HYCC2: variants seen among roughly 807,000 people sequenced by gnomAD.
HYCC2 encodes the protein hyccin PI4KA lipid kinase complex subunit 2.
At chr2:201,049,685 T>C in the HYCC2 span, among the ~76,000 whole-genome samples, 5 of 151,608 alleles carry the variant, frequency 3.3e-5, no homozygotes, top group Non-Finnish European at 5.9e-5. Context: ...ACTCCCTGCA[T>C]AGTCAGCCAC....
At chr2:200,984,300 A>G in the HYCC2 span, among the ~76,000 whole-genome samples, 7 of 152,130 alleles carry the variant, frequency 4.6e-5, no homozygotes, top group Non-Finnish European at 1.0e-4. Flanking sequence ...TGGGCCTCCC[A>G]AAGTGCTGAT....
chr2:201,065,420 T>C, the HYCC2 span, among the ~76,000 whole-genome samples: 2 of 152,248 alleles, frequency 1.3e-5, no homozygotes, highest in Non-Finnish European at 2.9e-5. Flanking sequence ...GGTTTTTATA[T>C]GAATGTAAGT....
At chr2:201,028,427 A>C in the HYCC2 span, among the ~76,000 whole-genome samples, 5 of 152,224 alleles carry the variant, frequency 3.3e-5, no homozygotes, top group Non-Finnish European at 7.3e-5. Flanking sequence ...CCAACAAGCT[A>C]CCAATGACTT....
At chr2:201,013,918 GAAAGAAGGA>G in the HYCC2 span, among the ~76,000 whole-genome samples, 2 of 152,116 alleles carry the variant, frequency 1.3e-5, no homozygotes, top group Admixed American at 6.6e-5. Flanking sequence ...GCTGGGGAGG[GAAAGAAGGA>G]AAAACAGAAA....
the HYCC2 span, among the ~76,000 whole-genome samples, chr2:201,033,196 T>TGAGA: frequency 7.4e-3 from 786 of 106,212 alleles, 9 homozygotes; most frequent in Non-Finnish European, 0.011. Flanking sequence ...TGTGTGTGTG[T>TGAGA]GAGAGAGAGA....
chr2:201,020,488 TATA>T, the HYCC2 span, among the ~76,000 whole-genome samples: 3 of 152,098 alleles, frequency 2.0e-5, no homozygotes, highest in Non-Finnish European at 2.9e-5. Flanking sequence ...GGGTAGATAA[TATA>T]ATAGGAGGTA....
the HYCC2 span, among the ~76,000 whole-genome samples, chr2:201,066,496 G>A: frequency 2.0e-5 from 3 of 152,196 alleles, no homozygotes; most frequent in Non-Finnish European, 4.4e-5. Context: ...AATAAAGAAC[G>A]AATACACAGA....
the HYCC2 span, chr2:200,977,969 A>G: frequency 2.6e-4 from 39 of 152,300 alleles, no homozygotes; most frequent in African/African-American, 7.5e-4. Context: ...CTTTTATCCA[A>G]CTTGGCATAC....
chr2:201,024,097 T>C, the HYCC2 span: 1 of 932,828 alleles, frequency 1.1e-6, no homozygotes, highest in Non-Finnish European at 1.7e-6. Flanking sequence ...CAACTAGAAA[T>C]AAATGATATG....
the HYCC2 span, among the ~76,000 whole-genome samples, chr2:201,051,469 A>G: frequency 6.6e-6 from 1 of 152,166 alleles, no homozygotes; most frequent in East Asian, 1.9e-4. Context: ...AAAAGACTCT[A>G]TAGATTATTA....
At chr2:201,015,441 A>G in the HYCC2 span, among the ~76,000 whole-genome samples, 2 of 152,174 alleles carry the variant, frequency 1.3e-5, no homozygotes, top group Admixed American at 1.3e-4. Flanking sequence ...CTAACATGCT[A>G]TAATACTATA....
At chr2:200,999,884 C>G in the HYCC2 span, among the ~76,000 whole-genome samples, 1 of 148,340 alleles carries the variant, frequency 6.7e-6, no homozygotes, top group Non-Finnish European at 1.5e-5. Flanking sequence ...ATAGTGAAAC[C>G]CCATCTCTAC....
At chr2:201,057,784 C>T in the HYCC2 span, among the ~76,000 whole-genome samples, 1 of 152,038 alleles carries the variant, frequency 6.6e-6, no homozygotes, top group African/African-American at 2.4e-5. Context: ...CTGGCATTGA[C>T]CTTACAGAGA....
At chr2:200,974,042 G>GT in the HYCC2 span, 3 of 151,946 alleles carry the variant, frequency 2.0e-5, no homozygotes, top group Non-Finnish European at 4.4e-5. Context: ...TAAATTCACG[G>GT]TTTTTTCTTC....
the HYCC2 span, chr2:201,011,604 T>C: frequency 1.9e-6 from 1 of 513,954 alleles, no homozygotes; most frequent in Non-Finnish European, 3.3e-6. Context: ...TATAAAAACA[T>C]TACCACCCTA....
the HYCC2 span, among the ~76,000 whole-genome samples, chr2:201,025,114 A>T: frequency 1.4e-4 from 22 of 152,092 alleles, no homozygotes; most frequent in African/African-American, 5.3e-4. Context: ...CTCTGTCTCA[A>T]AAATAAATAA....
At chr2:200,987,649 T>C in the HYCC2 span, 1 of 707,528 alleles carries the variant, frequency 1.4e-6, no homozygotes, top group East Asian at 6.7e-5. Flanking sequence ...ACAAACACTA[T>C]TTATATAGTT....
the HYCC2 span, among the ~76,000 whole-genome samples, chr2:201,048,325 A>C: frequency 6.6e-6 from 1 of 152,172 alleles, no homozygotes; most frequent in Non-Finnish European, 1.5e-5. Flanking sequence ...ACCAGATGGG[A>C]CAAATAGCAA....
the HYCC2 span, among the ~76,000 whole-genome samples, chr2:201,010,511 C>T: frequency 1.3e-5 from 2 of 152,146 alleles, no homozygotes; most frequent in Admixed American, 1.3e-4. Flanking sequence ...AAGTTCAGCT[C>T]AACAGGTATC....
Sources: allele counts gnomAD v4.1 joint callset (sites outside exome capture counted in the v4.1 genomes callset), GRCh38; gene constraint gnomAD v4.1.1; transcripts MANE v1.5; gene names NCBI Gene and HGNC (gene_info 2026-07-23, HGNC 2026-07-21).